ADSS2: variants seen among roughly 807,000 people sequenced by gnomAD.
ADSS2 encodes adenylosuccinate synthetase isozyme 2.
A neutral mutation model predicts 60.0 loss-of-function variants in ADSS2; 30 were observed. The ratio of observed to expected loss-of-function variants is 0.50; its 90% CI spans 0.37 to 0.68. ADSS2 has a LOEUF of 0.68. Ranked by LOEUF, ADSS2 falls within the 30% of genes least tolerant of loss-of-function variation. ADSS2 has a pLI of 0.00. For missense variants in ADSS2, 373 were observed against 554.8 expected, an observed-to-expected ratio of 0.67 and a Z score of 3.29; for synonymous variants, 187 against 193.1, an observed-to-expected ratio of 0.97 and a Z score of 0.26.
At chr1:244,423,132 T>C (rs1229173828) in intron 6 of ADSS2, among the ~76,000 whole-genome samples, 3 of 152,276 alleles carry the variant, frequency 2.0e-5, no homozygotes, top group East Asian at 1.9e-4. Context: ...AGTTTAGGCA[T>C]AGCAACAATA....
chr1:244,437,636 A>G (rs766707711), intron 2 of ADSS2, 30 bp downstream of exon 2: 15 of 1,424,904 alleles, frequency 1.1e-5, no homozygotes, highest in Middle Eastern at 2.4e-4. Context: ...GTGGGGGGGA[A>G]TCTCCATGCA....
intron 1 of ADSS2, among the ~76,000 whole-genome samples, chr1:244,444,659 A>G (rs1231232713): frequency 2.0e-5 from 3 of 152,014 alleles, no homozygotes. Context: ...CTAAAATTCT[A>G]TGTTCTCAAA....
At chr1:244,425,301 T>C (rs891619799) in intron 4 of ADSS2, among the ~76,000 whole-genome samples, 6 of 152,224 alleles carry the variant, frequency 3.9e-5, no homozygotes, top group Admixed American at 3.3e-4. Flanking sequence ...TATGGGAATA[T>C]AATTTATACA....
chr1:244,448,213 C>T (rs779650382), intron 1 of ADSS2, among the ~76,000 whole-genome samples: 5 of 152,156 alleles, frequency 3.3e-5, no homozygotes, highest in Non-Finnish European at 5.9e-5. Context: ...TTAAATAATA[C>T]TAACGTTATT....
chr1:244,437,634 G>GA (rs1372231424), intron 2 of ADSS2, 32 bp downstream of exon 2: 2 of 1,402,580 alleles, frequency 1.4e-6, no homozygotes, highest in South Asian at 1.2e-5. Flanking sequence ...TGGTGGGGGG[G>GA]AATCTCCATG....
chr1:244,429,458 A>T (rs1181482950), intron 4 of ADSS2, among the ~76,000 whole-genome samples: 1 of 152,234 alleles, frequency 6.6e-6, no homozygotes, highest in Non-Finnish European at 1.5e-5. Context: ...GTTCAGTGCC[A>T]TGGTGACAGC....
intron 3 of ADSS2, among the ~76,000 whole-genome samples, chr1:244,433,948 A>G (rs1188793490): frequency 1.3e-5 from 2 of 151,718 alleles, no homozygotes; most frequent in Non-Finnish European, 2.9e-5. Context: ...TGTACTTACT[A>G]CAGTGAATTG....
chr1:244,411,363 A>G lies in ADSS2; in HGVS notation c.1242T>C (p.Asn414=), dbSNP rs1664413618. The change falls in exon 12 of 13, where the codon AAT becomes AAC. Residue 414 remains asparagine (N), a synonymous_variant. Transcript: ENST00000366535. ...TLPGWNTDIS[N]ARAFKELPVN... is the part of the protein sequence containing the mutation. ...CAGGTAGTTCTTTAAACGCCCTTGC[A>G]TTTGATATGTCTGTGTTCCATCCTG... is the stretch of plus-strand genomic sequence containing the variant. The G allele has an allele frequency of 1.9e-6, 3 of 1,613,850 alleles. No individual in the cohort carries two copies. Among genetic ancestry groups the G allele is most frequent in the South Asian group, 2.2e-5 (2 of 91,054 alleles).
chr1:244,424,073 TC>T lies in ADSS2; in HGVS notation c.474-14del. On this transcript the variant is annotated splice_polypyrimidine_tract_variant and intron_variant, in intron 5 of 12. Coordinates refer to ENST00000366535, the MANE Select transcript of ADSS2 (RefSeq NM_001126.5). ...TGTTGTACCCAAACTTAAAAACAAATCCAAACAAGCTTTAAGTCAGACAAGA... is the reference window on the plus strand; with the variant it reads ...TGTTGTACCCAAACTTAAAAACAAATCAAACAAGCTTTAAGTCAGACAAGA... 6.2e-7 allele frequency: 1 copy of T among 1,603,310 alleles called. No homozygotes were observed. The highest frequency in any genetic ancestry group is 2.2e-5 in the East Asian group (1 of 44,772).
At chr1:244,442,479 A>G (rs74698979) in intron 1 of ADSS2, among the ~76,000 whole-genome samples, 1,732 of 152,314 alleles carry the variant, frequency 0.011, 16 homozygotes, top group Non-Finnish European at 0.018. Context: ...TGATTATTAT[A>G]TGGTTTAAAT....
At chr1:244,429,428 T>C (rs1664878973) in intron 4 of ADSS2, among the ~76,000 whole-genome samples, 1 of 152,238 alleles carries the variant, frequency 6.6e-6, no homozygotes, top group Admixed American at 6.5e-5. Flanking sequence ...TAAATTACAA[T>C]GGAGCTTACA....
intron 1 of ADSS2, among the ~76,000 whole-genome samples, chr1:244,448,635 GA>G (rs1424167380): frequency 2.0e-5 from 3 of 152,174 alleles, no homozygotes; most frequent in Non-Finnish European, 4.4e-5. Context: ...CTATAGTTAA[GA>G]AGTTTCTGTA....
chr1:244,431,199 C>A (rs879600939), intron 4 of ADSS2, among the ~76,000 whole-genome samples: 12 of 152,042 alleles, frequency 7.9e-5, no homozygotes, highest in Non-Finnish European at 1.5e-4. Context: ...AATTCAAGTT[C>A]TAAGATAAGC....
chr1:244,420,933 C>T (rs1290363922), intron 7 of ADSS2, among the ~76,000 whole-genome samples: 1 of 152,084 alleles, frequency 6.6e-6, no homozygotes. Context: ...GTGATCCTCC[C>T]ACCTCAGCCT....
At chr1:244,434,870 C>T (rs1665045114) in intron 3 of ADSS2, among the ~76,000 whole-genome samples, 1 of 152,024 alleles carries the variant, frequency 6.6e-6, no homozygotes, top group Non-Finnish European at 1.5e-5. Context: ...CAGATTGCTA[C>T]TTTTAAACCT....
chr1:244,424,577 T>C (rs1664753598), intron 4 of ADSS2, 190 bp from the exon 5 acceptor site: 4 of 500,962 alleles, frequency 8.0e-6, no homozygotes, highest in Non-Finnish European at 1.4e-5. Flanking sequence ...ATGTCTGATC[T>C]TTCGTTCTTA....
chr1:244,423,566 T>C (rs1198226871), intron 6 of ADSS2, among the ~76,000 whole-genome samples: 2 of 152,168 alleles, frequency 1.3e-5, no homozygotes, highest in South Asian at 2.1e-4. Flanking sequence ...TGAGAGCTAA[T>C]GATTTCTGGG....
At chr1:244,445,450 C>G (rs1173122435) in intron 1 of ADSS2, among the ~76,000 whole-genome samples, 1 of 152,152 alleles carries the variant, frequency 6.6e-6, no homozygotes, top group African/African-American at 2.4e-5. Flanking sequence ...TAACTGTTCT[C>G]AGTTTTTCCA....
chr1:244,427,797 A>G (rs995337383), intron 4 of ADSS2, among the ~76,000 whole-genome samples: 1 of 152,212 alleles, frequency 6.6e-6, no homozygotes, highest in African/African-American at 2.4e-5. Context: ...TCTGAAGTGT[A>G]ACTAATTAGT....
Sources: gnomAD v4.1 joint callset for allele counts (sites outside exome capture counted in the v4.1 genomes callset) on GRCh38, gnomAD v4.1.1 for gene constraint, MANE v1.5 for transcripts, NCBI Gene and HGNC (gene_info 2026-07-23, HGNC 2026-07-21) for gene names.